Variants in PDZD8 observed in about 807,000 individuals in gnomAD.
The protein encoded by PDZD8 is PDZ domain-containing protein 8.
In PDZD8, 14 loss-of-function variants were observed where a neutral mutation model predicts 85.8. The ratio of observed to expected loss-of-function variants is 0.16; its 90% CI spans 0.11 to 0.26. PDZD8 has a LOEUF of 0.26. PDZD8 is among the 10% of genes least tolerant of loss of function. PDZD8 has a pLI of 1.00. For missense variants in PDZD8, 1,197 were observed against 1,424.3 expected (o/e 0.84, Z 2.57); for synonymous variants, 592 against 568.6 (o/e 1.04, Z -0.59).
In PDZD8 at chr10:117,365,583, C is replaced by G. The variant is rs564024198; in HGVS notation, c.872+8773G>C. 4.6e-5 allele frequency among the ~76,000 whole-genome samples: 7 copies of G among 152,120 alleles called. No homozygotes were observed. The East Asian group carries it at 1.2e-3, about 25-fold the overall frequency. ...ATATAATGTGTCACCTAGAAAATAT[C>G]TGATATATATCTAGTAAAATTAGTA... is the stretch of plus-strand genomic sequence containing the variant. On this transcript the variant is annotated intron_variant, in intron 1 of 4. Transcript: ENST00000334464.
intron 1 of PDZD8, among the ~76,000 whole-genome samples, chr10:117,368,469 T>A (rs980620230): frequency 1.3e-5 from 2 of 152,180 alleles, no homozygotes; most frequent in African/African-American, 2.4e-5. Context: ...AGTAGCTATT[T>A]TAAAATATTT....
chr10:117,369,299 C>A (rs1001940663), intron 1 of PDZD8, among the ~76,000 whole-genome samples: 1 of 151,830 alleles, frequency 6.6e-6, no homozygotes, highest in South Asian at 2.1e-4. Flanking sequence ...ACTGGAATTA[C>A]AGGCATGTGC....
chr10:117,353,862 A>C (rs7919034), intron 1 of PDZD8, among the ~76,000 whole-genome samples: 3,351 of 152,238 alleles, frequency 0.022, 108 homozygotes, highest in African/African-American at 0.074. Context: ...TACTAAAACA[A>C]TGTGGTTTCT....
intron 1 of PDZD8, among the ~76,000 whole-genome samples, chr10:117,342,447 T>C (rs1844633067): frequency 7.1e-6 from 1 of 141,378 alleles, no homozygotes; most frequent in Non-Finnish European, 1.6e-5. Flanking sequence ...AGTTCTTGGT[T>C]TCACATTTAA....
rs780491064 is a variant in PDZD8 at position 117,375,250 on chromosome 10, C to A, written c.-23G>T. ...CATCCCGCCACCGCCTCCGCCCGGG[C>A]CCCTACTCCCGCGCCCACAGCGCCG... On this transcript the variant is annotated 5_prime_UTR_variant, in exon 1 of 5. Transcript: ENST00000334464. The A allele has an allele frequency of 8.3e-6, 12 of 1,441,816 alleles. No homozygotes were observed. The highest frequency in any genetic ancestry group is 2.8e-5 in the Admixed American group (1 of 35,652). 89.3% of individuals were successfully genotyped at this position (1,441,816 alleles called of 1,614,324 possible).
At position 117,282,351 on chromosome 10, in the gene PDZD8, A is replaced by AATT. The variant is rs2062557764; in HGVS notation, c.*914_*916dup. ...TTCCTATGGGAGAACTGATGAGGAA[A>AATT]ATTATCATAAATGTTTAAACTTTTA... On this transcript the variant is annotated 3_prime_UTR_variant, in exon 5 of 5. Transcript: ENST00000334464. The AATT allele has an allele frequency of 6.6e-6, 1 of 152,192 alleles. No homozygotes were observed. Among genetic ancestry groups the AATT allele is most frequent in the Non-Finnish European group, 1.5e-5 (1 of 68,036 alleles). The allele number at this position is 152,192 out of a possible 1,614,324, so 9.4% of individuals were successfully genotyped here. A position where few individuals can be genotyped will look rare whatever the true frequency, so the allele number is the denominator to read the frequency against.
chr10:117,328,866 G>A (rs1346373592), intron 2 of PDZD8, among the ~76,000 whole-genome samples: 1 of 152,140 alleles, frequency 6.6e-6, no homozygotes, highest in Non-Finnish European at 1.5e-5. Flanking sequence ...GATTATAGGC[G>A]TGGGCCACAG....
At chr10:117,304,366 T>C (rs561368713) in intron 3 of PDZD8, among the ~76,000 whole-genome samples, 2 of 152,276 alleles carry the variant, frequency 1.3e-5, no homozygotes, top group East Asian at 3.9e-4. Flanking sequence ...CCATCGTATC[T>C]AGGAAGTAAC....
At chr10:117,315,953 T>G (rs1466942836) in intron 3 of PDZD8, among the ~76,000 whole-genome samples, 3 of 152,184 alleles carry the variant, frequency 2.0e-5, no homozygotes, top group Non-Finnish European at 2.9e-5. Flanking sequence ...TTAAGCAAAG[T>G]ATGATCACCA....
chr10:117,345,997 T>C (rs1308588056), intron 1 of PDZD8, among the ~76,000 whole-genome samples: 3 of 151,828 alleles, frequency 2.0e-5, no homozygotes, highest in Non-Finnish European at 2.9e-5. Context: ...TCCCAGCACT[T>C]TGGGAGGCTG....
chr10:117,352,902 G>A (rs1309334052), intron 1 of PDZD8, among the ~76,000 whole-genome samples: 1 of 152,228 alleles, frequency 6.6e-6, no homozygotes, highest in East Asian at 1.9e-4. Flanking sequence ...GGGGTGGCCA[G>A]CTAACAGGGG....
In PDZD8 at chr10:117,342,003, T is replaced by C. The variant is rs116696459; in HGVS notation, c.873-901A>G. 7.7e-3 allele frequency among the ~76,000 whole-genome samples: 1,178 copies of C among 152,308 alleles called. 18 individuals are homozygous for C. The highest frequency in any genetic ancestry group is 0.027 in the African/African-American group (1,124 of 41,562). On this transcript the variant is annotated intron_variant, in intron 1 of 4. Coordinates refer to ENST00000334464, the MANE Select transcript of PDZD8 (RefSeq NM_173791.5). ...GAGGGCAATATTATTGGCTCCTCTC[T>C]CCAGATGAAAAGAATGAAGCTTAGG...
chr10:117,318,857 G>T lies in PDZD8; in HGVS notation c.1098+15C>A. 6.6e-7 allele frequency: 1 copy of T among 1,516,988 alleles called. No homozygotes were observed. Among genetic ancestry groups the T allele is most frequent in the Non-Finnish European group, 9.1e-7 (1 of 1,094,316 alleles). The allele number at this position is 1,516,988 out of a possible 1,614,324, so 94.0% of individuals were successfully genotyped here. A position where few individuals can be genotyped will look rare whatever the true frequency, so the allele number is the denominator to read the frequency against. ...GAACTTTATATAGATATAAATCACT[G>T]TAAATCCATTTTACCGTCTTAATAG... On this transcript the variant is annotated intron_variant, in intron 3 of 4. Transcript: ENST00000334464.
intron 2 of PDZD8, among the ~76,000 whole-genome samples, chr10:117,327,082 G>A (rs952641049): frequency 3.3e-5 from 5 of 152,116 alleles, no homozygotes; most frequent in Non-Finnish European, 4.4e-5. Context: ...GCAGCCATCC[G>A]TGAAACGTCA....
Position 117,283,149 on chromosome 10 carries a change from C to T in PDZD8, c.*119G>A. 2 of 1,014,462 alleles carry T rather than the reference C, an allele frequency of 2.0e-6. No homozygotes were observed. Among genetic ancestry groups the T allele is most frequent in the East Asian group, 2.5e-5 (1 of 39,740 alleles). 62.8% of individuals were successfully genotyped at this position (1,014,462 alleles called of 1,614,324 possible). ...AACCTTTCTCATTTTTGTTCTTACA[C>T]AAGCAAGTAACTGGAGAAGCAGGCC... On this transcript the variant is annotated 3_prime_UTR_variant, in exon 5 of 5. Coordinates refer to ENST00000334464, the MANE Select transcript of PDZD8 (RefSeq NM_173791.5).
intron 2 of PDZD8, among the ~76,000 whole-genome samples, chr10:117,333,135 A>C (rs867759691): frequency 6.8e-6 from 1 of 147,264 alleles, no homozygotes; most frequent in African/African-American, 2.6e-5. Context: ...AAAAAAAAAA[A>C]AAAAAAAAGG....
At chr10:117,349,943 G>A (rs1212119344) in intron 1 of PDZD8, among the ~76,000 whole-genome samples, 1 of 152,154 alleles carries the variant, frequency 6.6e-6, no homozygotes, top group Non-Finnish European at 1.5e-5. Context: ...ATCTTCTGAA[G>A]CCAATTAATA....
intron 3 of PDZD8, among the ~76,000 whole-genome samples, chr10:117,301,816 C>T (rs574131108): frequency 3.9e-5 from 6 of 152,262 alleles, no homozygotes; most frequent in African/African-American, 7.2e-5. Context: ...AAGAGATACA[C>T]ATTTGTTCTT....
Position 117,374,697 on chromosome 10 carries a change from A to C in PDZD8, c.531T>G (p.Pro177=). ...VPSATGEPDG[P]EGEALPAACP... ...AGGCGGCGGGCAGCGCCTCCCCTTC[A>C]GGGCCATCGGGCTCCCCGGTGGCCG... The change falls in exon 1 of 5, where the codon CCT becomes CCG. Residue 177 remains proline (P), a synonymous_variant. Coordinates refer to ENST00000334464, the MANE Select transcript of PDZD8 (RefSeq NM_173791.5). This position sits in a 1 kb window ranked among gnomAD's most constrained non-coding sequence, Gnocchi z 7.8. The C allele has an allele frequency of 6.2e-7, 1 of 1,601,500 alleles. No homozygotes were observed.
Sources: allele counts gnomAD v4.1 joint callset (sites outside exome capture counted in the v4.1 genomes callset), GRCh38; gene constraint gnomAD v4.1.1; non-coding constraint Gnocchi (gnomAD v3.1); transcripts MANE v1.5; gene names NCBI Gene and HGNC (gene_info 2026-07-23, HGNC 2026-07-21).